SCIMP: variants seen among roughly 807,000 people sequenced by gnomAD.
SCIMP encodes SLP adaptor and CSK interacting membrane protein.
SCIMP carries 18 observed loss-of-function variants against 22.0 expected under a neutral mutation model. The ratio of observed to expected loss-of-function variants is 0.82; its 90% CI spans 0.56 to 1.21. SCIMP has a LOEUF of 1.21. Ranked by LOEUF, SCIMP falls within the 50% of genes most tolerant of loss-of-function variation. SCIMP has a pLI of 0.00. For synonymous variants in SCIMP, 53 were observed against 62.2 expected (o/e 0.85, Z 0.70); for missense variants, 155 against 171.2 (o/e 0.91, Z 0.53).
At chr17:5,223,502 C>A in intron 1 of SCIMP, 46 bp from the exon 2 acceptor site, 2 of 1,607,032 alleles carry the variant, frequency 1.2e-6, no homozygotes, top group Non-Finnish European at 1.7e-6. Context: ...TGAAAGATAT[C>A]CTGGGGTTGG....
intron 4 of SCIMP, chr17:5,213,026 T>TTTTTTTTTTTTTTTTTTTTTTTTTTTGTG: frequency 1.7e-6 from 1 of 596,520 alleles, no homozygotes; most frequent in Non-Finnish European, 2.1e-6. Flanking sequence ...TGGTAACTTC[T>TTTTTTTTTTTTTTTTTTTTTTTTTTTGTG]GAGCTGACAT....
chr17:5,230,241 G>A (rs2074683836), intron 1 of SCIMP, among the ~76,000 whole-genome samples: 1 of 152,194 alleles, frequency 6.6e-6, no homozygotes. Context: ...AAAGAGCTCT[G>A]TGTGCAGAAG....
intron 3 of SCIMP, among the ~76,000 whole-genome samples, chr17:5,215,622 CAAAT>C (rs899259503): frequency 6.6e-6 from 1 of 151,846 alleles, no homozygotes; most frequent in Non-Finnish European, 1.5e-5. Context: ...TCAAAACAAA[CAAAT>C]AAAAAAACAA....
Position 5,209,963 on chromosome 17 carries a change from T to C in SCIMP, c.*838A>G, listed in dbSNP as rs954791977. On this transcript the variant is annotated 3_prime_UTR_variant, in exon 5 of 5. Coordinates refer to ENST00000574081, the MANE Select transcript of SCIMP (RefSeq NM_207103.3). ...CTGAACTCTCATCTTGTATATGCCA[T>C]TGTTACATGCCCCTTTTCTTTCCTG... 1.3e-5 allele frequency: 2 copies of C among 152,210 alleles called. No individual in the cohort carries two copies. Among genetic ancestry groups the C allele is most frequent in the African/African-American group, 4.8e-5 (2 of 41,438 alleles). The allele number at this position is 152,210 out of a possible 1,614,324, so 9.4% of individuals were successfully genotyped here.
chr17:5,227,137 A>G (rs1417846294), intron 1 of SCIMP, among the ~76,000 whole-genome samples: 1 of 152,094 alleles, frequency 6.6e-6, no homozygotes, highest in Admixed American at 6.6e-5. Context: ...CTACTGAAGG[A>G]TCGCAAAGAA....
At chr17:5,233,328 A>G (rs1270729250) in intron 1 of SCIMP, among the ~76,000 whole-genome samples, 3 of 152,002 alleles carry the variant, frequency 2.0e-5, no homozygotes, top group Non-Finnish European at 4.4e-5. Context: ...CTGGCTGCCA[A>G]ATACCAGTGT....
chr17:5,210,730 C>A lies in SCIMP; in HGVS notation c.*71G>T. On this transcript the variant is annotated 3_prime_UTR_variant, in exon 5 of 5. Coordinates refer to ENST00000574081, the MANE Select transcript of SCIMP (RefSeq NM_207103.3). Reference sequence around the variant, plus strand: ...GGCCCAGAGACCTACTGAAGTTCAACCATTCTTGATTGTTTTAAAATAAGT... The same window carrying A: ...GGCCCAGAGACCTACTGAAGTTCAAACATTCTTGATTGTTTTAAAATAAGT... 6.5e-7 allele frequency: 1 copy of A among 1,545,192 alleles called. No homozygotes were observed.
Position 5,234,792 on chromosome 17 carries a change from C to A in SCIMP, c.-37G>T. ...TAAGGAGACAGCAGTGGCTGGAGTGCTGCAGCTCAGGCACAGCTGGTGAGA... is the reference window on the plus strand; with the variant it reads ...TAAGGAGACAGCAGTGGCTGGAGTGATGCAGCTCAGGCACAGCTGGTGAGA... On this transcript the variant is annotated 5_prime_UTR_variant, in exon 1 of 5. Coordinates refer to ENST00000574081, the MANE Select transcript of SCIMP (RefSeq NM_207103.3). 1 of 1,599,862 alleles carries A rather than the reference C, an allele frequency of 6.3e-7. No individual in the cohort carries two copies. Among genetic ancestry groups the A allele is most frequent in the Non-Finnish European group, 8.5e-7 (1 of 1,173,460 alleles).
chr17:5,231,747 T>A (rs1380901440), intron 1 of SCIMP, among the ~76,000 whole-genome samples: 1 of 152,130 alleles, frequency 6.6e-6, no homozygotes, highest in East Asian at 1.9e-4. Flanking sequence ...AATAAATGCA[T>A]TCTGTGCTGC....
chr17:5,218,110 T>G (rs1036903343), intron 3 of SCIMP, among the ~76,000 whole-genome samples: 3 of 150,786 alleles, frequency 2.0e-5, no homozygotes, highest in Non-Finnish European at 4.4e-5. Context: ...ACTGCTGCCC[T>G]GACCTCAGGG....
chr17:5,225,833 A>C (rs1246064793), intron 1 of SCIMP, among the ~76,000 whole-genome samples: 1 of 151,776 alleles, frequency 6.6e-6, no homozygotes, highest in Non-Finnish European at 1.5e-5. Context: ...GTTGCTCTCA[A>C]GTTCCAGAGG....
chr17:5,220,654 G>T (rs1406433556), intron 3 of SCIMP, among the ~76,000 whole-genome samples: 1 of 152,112 alleles, frequency 6.6e-6, no homozygotes, highest in Non-Finnish European at 1.5e-5. Context: ...TGAGGCAGGA[G>T]AATTGCTTGA....
chr17:5,212,293 C>G (rs1254363060), intron 4 of SCIMP, among the ~76,000 whole-genome samples: 1 of 152,274 alleles, frequency 6.6e-6, no homozygotes, highest in East Asian at 1.9e-4. Context: ...ATAGGTAAGT[C>G]ACTTATCTGT....
At chr17:5,223,538 G>T in intron 1 of SCIMP, 82 bp from the exon 2 acceptor site, 1 of 1,415,194 alleles carries the variant, frequency 7.1e-7, no homozygotes, top group Non-Finnish European at 9.8e-7. Flanking sequence ...TATCTACTGT[G>T]GGTTGTTTTT....
At chr17:5,215,333 C>T in intron 3 of SCIMP, 1 of 202,460 alleles carries the variant, frequency 4.9e-6, no homozygotes, top group Non-Finnish European at 1.0e-5. Flanking sequence ...AACAGATGAG[C>T]CGGGCATGGT....
intron 4 of SCIMP, 83 bp downstream of exon 4, chr17:5,214,838 TAAAA>T (rs34085108): frequency 0.038 from 16,797 of 443,708 alleles, no homozygotes; most frequent in Middle Eastern, 0.054. Flanking sequence ...AGACTCCATC[TAAAA>T]AAAAAAAAAA....
chr17:5,218,743 T>C (rs2074584148), intron 3 of SCIMP, among the ~76,000 whole-genome samples: 3 of 152,178 alleles, frequency 2.0e-5, no homozygotes, highest in Admixed American at 2.0e-4. Context: ...GGGAGTCTTA[T>C]TTGCTGGATC....
intron 4 of SCIMP, chr17:5,212,986 G>T: frequency 5.7e-6 from 1 of 175,992 alleles, no homozygotes; most frequent in Non-Finnish European, 8.4e-6. Context: ...ACTACTTTAG[G>T]TTGAGTGGAC....
At chr17:5,216,076 ACCTGTAGTC>A (rs2074563649) in intron 3 of SCIMP, among the ~76,000 whole-genome samples, 1 of 152,014 alleles carries the variant, frequency 6.6e-6, no homozygotes, top group Admixed American at 6.6e-5. Context: ...GGTGGCATAC[ACCTGTAGTC>A]CCAGCTACTC....
Sources: gnomAD v4.1 joint callset for allele counts (sites outside exome capture counted in the v4.1 genomes callset) on GRCh38, gnomAD v4.1.1 for gene constraint, MANE v1.5 for transcripts, NCBI Gene and HGNC (gene_info 2026-07-23, HGNC 2026-07-21) for gene names.